Variants in TTLL5 observed in about 807,000 individuals in gnomAD.
TTLL5 encodes tubulin tyrosine ligase like 5, also known as tubulin polyglutamylase TTLL5.
Under a neutral mutation model 168.4 loss-of-function variants are expected in TTLL5, and 132 were observed. The observed-to-expected ratio is 0.78, with a 90% CI of 0.68 to 0.91. TTLL5 has a LOEUF of 0.91. TTLL5 is among the 40% of genes least tolerant of loss of function. TTLL5 has a pLI of 0.00. For missense variants in TTLL5, 1,545 were observed against 1,581.5 expected (o/e 0.98, Z 0.39); for synonymous variants, 546 against 558.6 (o/e 0.98, Z 0.32).
intron 15 of TTLL5, among the ~76,000 whole-genome samples, chr14:75,740,808 A>G (rs919543041): frequency 6.6e-6 from 1 of 152,210 alleles, no homozygotes; most frequent in African/African-American, 2.4e-5. Context: ...GGTAAAATGT[A>G]TCACATATAA....
chr14:75,735,272 C>A lies in TTLL5; in HGVS notation c.1264C>A (p.Pro422Thr). 6.2e-7 allele frequency: 1 copy of A among 1,614,190 alleles called. No homozygotes were observed. Among genetic ancestry groups the A allele is most frequent in the Non-Finnish European group, 8.5e-7 (1 of 1,179,994 alleles). Residue 422 changes from proline (P) to threonine (T), a missense_variant, in exon 15 of 32, where the codon CCT becomes ACT. Physicochemically the swap from Pro to Thr is conservative, Grantham distance 38 (BLOSUM62 -1). Coordinates refer to ENST00000298832, the MANE Select transcript of TTLL5 (RefSeq NM_015072.5). ...YPTFESSRRN[P>T]FQKPQRCRPL... ...CACCTTTGAGTCTTCCAGGCGAAAC[C>A]CTTTCCAGAAACCTCAGGTAAGCCA...
intron 3 of TTLL5, among the ~76,000 whole-genome samples, chr14:75,681,191 T>A (rs906494110): frequency 1.3e-5 from 2 of 152,222 alleles, no homozygotes; most frequent in African/African-American, 4.8e-5. Context: ...ATAATTGATA[T>A]TTTGAGATAT....
Position 75,745,526 on chromosome 14 carries a change from C to G in TTLL5, c.1432C>G (p.Arg478Gly). 3 of 1,613,752 alleles carry G rather than the reference C, an allele frequency of 1.9e-6. No homozygotes were observed. Among genetic ancestry groups the G allele is most frequent in the South Asian group, 2.2e-5 (2 of 91,066 alleles). The change falls in exon 17 of 32, where the codon CGG (arginine) becomes GGG (glycine). Residue 478 changes from arginine (R) to glycine (G), a missense_variant. Transcript: ENST00000298832. ...VLRRVKEEND[R>G]RGGFIRIFPT... ...ACGAAGGGTGAAGGAGGAGAATGAT[C>G]GGCGAGGTGGATTTATTCGCATATT...
Position 75,954,565 on chromosome 14 carries a change from C to T in TTLL5, c.*119C>T. On this transcript the variant is annotated 3_prime_UTR_variant, in exon 32 of 32. Coordinates refer to ENST00000298832, the MANE Select transcript of TTLL5 (RefSeq NM_015072.5). ...TTTTTTTTTTGCTGCCTCAAAGTCC[C>T]CAAAGCCTTCGAGCAGAAGTGGCAG... The T allele has an allele frequency of 8.7e-7, 1 of 1,143,472 alleles. No individual in the cohort carries two copies. Among genetic ancestry groups the T allele is most frequent in the Non-Finnish European group, 1.3e-6 (1 of 779,178 alleles). The allele number at this position is 1,143,472 out of a possible 1,614,324, so 70.8% of individuals were successfully genotyped here. A position where few individuals can be genotyped will look rare whatever the true frequency, so the allele number is the denominator to read the frequency against.
intron 27 of TTLL5, among the ~76,000 whole-genome samples, chr14:75,813,286 G>T (rs1044312421): frequency 2.8e-4 from 37 of 129,850 alleles, no homozygotes; most frequent in African/African-American, 1.0e-3. Context: ...GTGTGTGTGT[G>T]TGTGTGTGTG....
chr14:75,894,783 G>A (rs552351714), intron 30 of TTLL5, among the ~76,000 whole-genome samples: 1 of 152,224 alleles, frequency 6.6e-6, no homozygotes, highest in South Asian at 2.1e-4. Flanking sequence ...TTGGAAAAGA[G>A]CAATTATGAA....
intron 31 of TTLL5, among the ~76,000 whole-genome samples, chr14:75,940,140 C>T (rs1318848710): frequency 2.8e-5 from 4 of 141,344 alleles, no homozygotes; most frequent in African/African-American, 8.1e-5. Flanking sequence ...AGTGCAGTGG[C>T]GCGATCTCAG....
chr14:75,785,477 C>T (rs1488584314), intron 26 of TTLL5, among the ~76,000 whole-genome samples: 1 of 152,176 alleles, frequency 6.6e-6, no homozygotes, highest in Non-Finnish European at 1.5e-5. Flanking sequence ...CTGCGCCCGG[C>T]CCCTCCTATG....
At chr14:75,947,223 T>C (rs1449223266) in intron 31 of TTLL5, among the ~76,000 whole-genome samples, 1 of 152,188 alleles carries the variant, frequency 6.6e-6, no homozygotes, top group Non-Finnish European at 1.5e-5. Flanking sequence ...CCTGGATTTT[T>C]AAAAAATAGA....
At chr14:75,843,510 A>G (rs1008136168) in intron 28 of TTLL5, among the ~76,000 whole-genome samples, 1 of 152,254 alleles carries the variant, frequency 6.6e-6, no homozygotes. Flanking sequence ...ATCTTACACA[A>G]GAAGGAAATG....
At chr14:75,758,118 G>A (rs576543366) in intron 18 of TTLL5, among the ~76,000 whole-genome samples, 5 of 152,310 alleles carry the variant, frequency 3.3e-5, no homozygotes, top group Admixed American at 3.3e-4. Flanking sequence ...GTGTGAGAGA[G>A]AGTATTAATG....
chr14:75,817,830 CTTTTTTTTTTT>C (rs1045988787), intron 27 of TTLL5, among the ~76,000 whole-genome samples: 23 of 83,870 alleles, frequency 2.7e-4, no homozygotes, highest in African/African-American at 1.0e-3. Flanking sequence ...CTTTTCTTTT[CTTTTTTTTTTT>C]TTTTTTTTTT....
chr14:75,792,877 T>G (rs1892804815), intron 26 of TTLL5, 39 bp from the exon 27 acceptor site: 1 of 1,504,842 alleles, frequency 6.6e-7, no homozygotes, highest in African/African-American at 1.4e-5. Context: ...TCAGGCCTTT[T>G]TTTCCTAAAT....
intron 31 of TTLL5, among the ~76,000 whole-genome samples, chr14:75,909,721 A>C (rs1393910339): frequency 6.6e-6 from 1 of 152,222 alleles, no homozygotes; most frequent in East Asian, 1.9e-4. Flanking sequence ...CCCAGTTCTA[A>C]GCAACTGGGC....
At chr14:75,873,777 A>G (rs2031238674) in intron 29 of TTLL5, among the ~76,000 whole-genome samples, 1 of 152,140 alleles carries the variant, frequency 6.6e-6, no homozygotes, top group Non-Finnish European at 1.5e-5. Context: ...ATCAATGAAC[A>G]CGGATGTACA....
chr14:75,826,960 C>T (rs1281350023), intron 28 of TTLL5, among the ~76,000 whole-genome samples: 2 of 151,990 alleles, frequency 1.3e-5, no homozygotes, highest in Non-Finnish European at 2.9e-5. Flanking sequence ...AGACTCTCAG[C>T]GTATTACCTA....
rs184966780 is a variant in TTLL5 at position 75,689,915 on chromosome 14, C to A, written c.372-277C>A. 1.5e-3 allele frequency: 472 copies of A among 311,838 alleles called. 3 individuals carry two copies. The highest frequency in any genetic ancestry group is 0.01 in the African/African-American group (451 of 44,670). 19.3% of individuals were successfully genotyped at this position (311,838 alleles called of 1,614,324 possible). On this transcript the variant is annotated intron_variant, in intron 5 of 31. Transcript: ENST00000298832. The stretch of plus-strand genomic sequence containing the variant: ...TTTATCTTGATTGTGGTGGTGGTTA[C>A]ATAATTGTATGTGTTTGTCCAAACT...
chr14:75,935,096 G>C (rs1004741705), intron 31 of TTLL5, among the ~76,000 whole-genome samples: 2 of 152,232 alleles, frequency 1.3e-5, no homozygotes, highest in African/African-American at 4.8e-5. Flanking sequence ...TGGTGATAGT[G>C]AGCTGACATC....
chr14:75,910,216 A>G (rs1384647492), intron 31 of TTLL5, among the ~76,000 whole-genome samples: 4 of 152,248 alleles, frequency 2.6e-5, no homozygotes, highest in African/African-American at 9.6e-5. Context: ...TTTGTTATAA[A>G]GAGACACGGG....
Sources: gnomAD v4.1 joint callset for allele counts (sites outside exome capture counted in the v4.1 genomes callset) on GRCh38, gnomAD v4.1.1 for gene constraint, MANE v1.5 for transcripts, NCBI Gene and HGNC (gene_info 2026-07-23, HGNC 2026-07-21) for gene names.